PHACTR2: variants seen among roughly 807,000 people sequenced by gnomAD.
PHACTR2 encodes phosphatase and actin regulator 2, also known as chromosome 6 open reading frame 56.
In PHACTR2, 30 loss-of-function variants were observed where a neutral mutation model predicts 76.0. The observed-to-expected ratio is 0.39, with a 90% CI of 0.30 to 0.54. PHACTR2 has a LOEUF of 0.54. Ranked by LOEUF, PHACTR2 falls within the 20% of genes least tolerant of loss-of-function variation. The pLI is 0.61. For missense variants in PHACTR2, 696 were observed against 781.1 expected, an observed-to-expected ratio of 0.89 and a Z score of 1.30; for synonymous variants, 292 against 292.5, an observed-to-expected ratio of 1.00 and a Z score of 0.02.
At chr6:143,744,067 G>A (rs1483360407) in intron 2 of PHACTR2, among the ~76,000 whole-genome samples, 5 of 152,178 alleles carry the variant, frequency 3.3e-5, no homozygotes, top group African/African-American at 9.7e-5. Context: ...GAGCCCAGTC[G>A]TGTACTACAC....
At position 143,585,960 on chromosome 6, in the gene PHACTR2, A is replaced by G. The variant is rs1395417854; in HGVS notation, c.217+48753A>G. 6.6e-6 allele frequency among the ~76,000 whole-genome samples: 1 copy of G among 152,216 alleles called. No homozygotes were observed. Among genetic ancestry groups the G allele is most frequent in the Non-Finnish European group, 1.5e-5 (1 of 68,030 alleles). On this transcript the variant is annotated intron_variant, in intron 1 of 11. Transcript: ENST00000367584. This position sits in a 1 kb window ranked among gnomAD's most constrained non-coding sequence, Gnocchi z 5.2. ...AATCCATAAACTTTGGAAACACATTATCATGTGCTTGGATGAGACCCTGGC... is the reference window on the plus strand; with the variant it reads ...AATCCATAAACTTTGGAAACACATTGTCATGTGCTTGGATGAGACCCTGGC...
Position 143,800,331 on chromosome 6 carries a change from C to T in PHACTR2, c.1846-6726C>T, listed in dbSNP as rs1038006090. Among the ~76,000 whole-genome samples, 13 of 151,954 alleles carry T rather than the reference C, an allele frequency of 8.6e-5. No homozygotes were observed. The highest frequency in any genetic ancestry group is 2.6e-4 in the Admixed American group (4 of 15,256). ...GGCTGGAGTGCAGTGGTGCAATCTCCGCTCACAGCAAGCTCCGCCTCCCAG... is the reference window on the plus strand; with the variant it reads ...GGCTGGAGTGCAGTGGTGCAATCTCTGCTCACAGCAAGCTCCGCCTCCCAG... On this transcript the variant is annotated intron_variant, in intron 11 of 12. Transcript: ENST00000440869. This position sits in a 1 kb window ranked among gnomAD's most constrained non-coding sequence, Gnocchi z 4.8.
At chr6:143,614,651 A>T (rs1310681657) in intron 1 of PHACTR2, among the ~76,000 whole-genome samples, 1 of 152,194 alleles carries the variant, frequency 6.6e-6, no homozygotes, top group Non-Finnish European at 1.5e-5. Context: ...ACATTTCATG[A>T]TACTTAACTT....
intron 1 of PHACTR2, among the ~76,000 whole-genome samples, chr6:143,644,487 T>C (rs955090285): frequency 1.1e-4 from 11 of 102,020 alleles, no homozygotes; most frequent in Non-Finnish European, 1.5e-4. Flanking sequence ...AAAAAAAAAG[T>C]ACAGTTATGA....
intron 11 of PHACTR2, among the ~76,000 whole-genome samples, chr6:143,790,761 C>T (rs894177109): frequency 6.6e-6 from 1 of 151,696 alleles, no homozygotes; most frequent in Non-Finnish European, 1.5e-5. Context: ...GCAAGCTCCA[C>T]CTCCTGTGTT....
At chr6:143,815,052 G>T (rs968135279) in intron 12 of PHACTR2, among the ~76,000 whole-genome samples, 1 of 152,144 alleles carries the variant, frequency 6.6e-6, no homozygotes, top group Non-Finnish European at 1.5e-5. Flanking sequence ...ACTTGAAACT[G>T]CAATGAAAAT....
rs575630127 is a variant in PHACTR2, at chr6:143,539,159, A to G, written c.217+1952A>G. On this transcript the variant is annotated intron_variant, in intron 1 of 11. Transcript: ENST00000367584. The surrounding 1 kb of genome is among the most constrained non-coding windows in gnomAD (Gnocchi z 4.3). ...TAAAATGTGAGTGTGCAAAGTGTAC[A>G]TCATGTGAACCATGGGCTCCAATTT... 2.0e-5 allele frequency among the ~76,000 whole-genome samples: 3 copies of G among 152,254 alleles called. No homozygotes were observed. Among genetic ancestry groups the G allele is most frequent in the African/African-American group, 7.2e-5 (3 of 41,466 alleles).
Position 143,712,129 on chromosome 6 carries a change from C to A in PHACTR2, c.160C>A (p.Pro54Thr). ...KLSTIGKIFK[P>T]WKWRKKKTSD... ...ATCCACCATTGGTAAAATCTTTAAG[C>A]CTTGGAAATGGAGGAAAAAGAAGAC... Residue 54 changes from proline (P) to threonine (T), a missense_variant, in exon 2 of 13, where the codon CCT becomes ACT. By Grantham distance (38) the Pro-to-Thr change is conservative. Transcript: ENST00000440869. The A allele has an allele frequency of 6.3e-7, 1 of 1,576,138 alleles. No homozygotes were observed. The highest frequency in any genetic ancestry group is 8.6e-7 in the Non-Finnish European group (1 of 1,164,928).
At chr6:143,622,184 T>C (rs897310424) in intron 1 of PHACTR2, among the ~76,000 whole-genome samples, 1 of 152,156 alleles carries the variant, frequency 6.6e-6, no homozygotes, top group Non-Finnish European at 1.5e-5. Context: ...TTATATCTTT[T>C]AATGTTTCCT....
rs150236056 is a variant in PHACTR2 at position 143,712,811 on chromosome 6, T to C, written c.214+628T>C. On this transcript the variant is annotated intron_variant, in intron 2 of 12. Coordinates refer to ENST00000440869, the MANE Select transcript of PHACTR2 (RefSeq NM_001100164.2). ...TTAAGAGAGTAGAGGCACAACCCTATTGGTGTGAAAATGTTTGATTGTTAA... is the reference window on the plus strand; with the variant it reads ...TTAAGAGAGTAGAGGCACAACCCTACTGGTGTGAAAATGTTTGATTGTTAA... Among the ~76,000 whole-genome samples the C allele has an allele frequency of 2.1e-3, 323 of 152,282 alleles. 4 individuals are homozygous for C. The highest frequency in any genetic ancestry group is 1.5e-3 in the Non-Finnish European group (105 of 68,006).
rs1776645681 is a variant in PHACTR2 at position 143,830,543 on chromosome 6, T to C, written c.*6854T>C. ...TGTTGTTCTTATCTGTACTGTATTATAGTATGTGGGTATAAATATCTACAA... is the reference window on the plus strand; with the variant it reads ...TGTTGTTCTTATCTGTACTGTATTACAGTATGTGGGTATAAATATCTACAA... On this transcript the variant is annotated 3_prime_UTR_variant, in exon 13 of 13. Transcript: ENST00000440869. The C allele has an allele frequency of 6.6e-6, 1 of 152,206 alleles. No homozygotes were observed. Among genetic ancestry groups the C allele is most frequent in the Non-Finnish European group, 1.5e-5 (1 of 68,016 alleles). The allele number at this position is 152,206 out of a possible 1,614,324, so 9.4% of individuals were successfully genotyped here.
At chr6:143,724,316 T>C (rs947288456) in intron 2 of PHACTR2, among the ~76,000 whole-genome samples, 2 of 152,060 alleles carry the variant, frequency 1.3e-5, no homozygotes, top group Admixed American at 1.3e-4. Context: ...GTATTTTTAG[T>C]AGAGACGGGG....
At chr6:143,790,090 G>T (rs1456037357) in intron 11 of PHACTR2, among the ~76,000 whole-genome samples, 2 of 152,158 alleles carry the variant, frequency 1.3e-5, no homozygotes, top group African/African-American at 4.8e-5. Context: ...GAGCATTTTG[G>T]TGGCCTGATG....
At position 143,537,319 on chromosome 6, in the gene PHACTR2, C is replaced by G. The variant is rs952933404; in HGVS notation, c.217+112C>G. On this transcript the variant is annotated intron_variant, in intron 1 of 11. Coordinates refer to the PHACTR2 transcript ENST00000367584. The surrounding 1 kb of genome is among the most constrained non-coding windows in gnomAD (Gnocchi z 4.4). Reference sequence around the variant, plus strand: ...GGGCACTGGCCCGGCAGGCTGGCGGCGGGGTGGGGGTGGGGGACAGGGGAG... The same window carrying G: ...GGGCACTGGCCCGGCAGGCTGGCGGGGGGGTGGGGGTGGGGGACAGGGGAG... 9 of 66,424 alleles carry G rather than the reference C, an allele frequency of 1.4e-4. No homozygotes were observed. Among genetic ancestry groups the G allele is most frequent in the Non-Finnish European group, 2.3e-4 (7 of 30,036 alleles). The allele number at this position is 66,424 out of a possible 1,614,324, so 4.1% of individuals were successfully genotyped here.
chr6:143,756,183 A>G (rs1385441735), intron 4 of PHACTR2, among the ~76,000 whole-genome samples: 1 of 152,126 alleles, frequency 6.6e-6, no homozygotes, highest in Non-Finnish European at 1.5e-5. Context: ...ACCGTCAAAG[A>G]AAGCAAAACA....
rs1180941429 is a variant in PHACTR2, at chr6:143,546,563, T to C, written c.217+9356T>C. ...GTATATTTTCACCTACCTGAATGTT[T>C]GGCATATCTTCTTTGGAGGTATAAT... On this transcript the variant is annotated intron_variant, in intron 1 of 11. Coordinates refer to the PHACTR2 transcript ENST00000367584. This position sits in a 1 kb window ranked among gnomAD's most constrained non-coding sequence, Gnocchi z 4.9. 6.6e-6 allele frequency among the ~76,000 whole-genome samples: 1 copy of C among 152,224 alleles called. No homozygotes were observed. The highest frequency in any genetic ancestry group is 1.9e-4 in the East Asian group (1 of 5,204).
rs1045792649 is a variant in PHACTR2 at position 143,671,732 on chromosome 6, GTTA to G, written c.14-40277_14-40275del. Among the ~76,000 whole-genome samples the G allele has an allele frequency of 1.3e-5, 2 of 152,164 alleles. No homozygotes were observed. Among genetic ancestry groups the G allele is most frequent in the African/African-American group, 2.4e-5 (1 of 41,412 alleles). ...TGTTGAGTGGTGAACCAATCAATGA[GTTA>G]TTATTAATATAGAACTAGCATATAT... On this transcript the variant is annotated intron_variant, in intron 1 of 11. Coordinates refer to the PHACTR2 transcript ENST00000305766. The surrounding 1 kb of genome is among the most constrained non-coding windows in gnomAD (Gnocchi z 4.6).
chr6:143,732,811 CTT>C (rs996457683), intron 2 of PHACTR2, among the ~76,000 whole-genome samples: 1 of 152,176 alleles, frequency 6.6e-6, no homozygotes, highest in Non-Finnish European at 1.5e-5. Context: ...TACTACCTGT[CTT>C]TTTTTATTAT....
rs1469341126 is a variant in PHACTR2 at position 143,662,378 on chromosome 6, A to G, written c.14-49638A>G. Reference sequence around the variant, plus strand: ...AGAAGAGATGAAGTTAAGCCTGTTAAATATAAGAAACTACTTATTTTGTTT... The same window carrying G: ...AGAAGAGATGAAGTTAAGCCTGTTAGATATAAGAAACTACTTATTTTGTTT... On this transcript the variant is annotated intron_variant, in intron 1 of 11. Coordinates refer to the PHACTR2 transcript ENST00000305766. This position sits in a 1 kb window ranked among gnomAD's most constrained non-coding sequence, Gnocchi z 4.7. Among the ~76,000 whole-genome samples, 1 of 152,172 alleles carries G rather than the reference A, an allele frequency of 6.6e-6. No individual in the cohort carries two copies. The highest frequency in any genetic ancestry group is 1.9e-4 in the East Asian group (1 of 5,186).
Sources: gnomAD v4.1 joint callset for allele counts (sites outside exome capture counted in the v4.1 genomes callset) on GRCh38, gnomAD v4.1.1 for gene constraint, Gnocchi (gnomAD v3.1) non-coding constraint, MANE v1.5 for transcripts, NCBI Gene and HGNC (gene_info 2026-07-23, HGNC 2026-07-21) for gene names.